The following SPAG1 variants were observed in gnomAD, a reference collection of about 807,000 sequenced individuals.
SPAG1 encodes the protein sperm-associated antigen 1.
Under a neutral mutation model 100.5 loss-of-function variants are expected in SPAG1, and 69 were observed. That is an observed-to-expected ratio of 0.69 (90% CI 0.57 to 0.84). SPAG1 has a LOEUF of 0.84. SPAG1 is among the 40% of genes least tolerant of loss of function. The pLI is 0.00. For missense variants in SPAG1, 955 were observed against 1,133.1 expected, an observed-to-expected ratio of 0.84 and a Z score of 2.26; for synonymous variants, 336 against 411.6, an observed-to-expected ratio of 0.82 and a Z score of 2.22.
chr8:100,213,351 A>G lies in SPAG1; in HGVS notation c.1358A>G (p.Asn453Ser). ...ENPAGLKSQG[N>S]ELFRSGQFAE... ...CCTGCCGGCCTGAAGAGCCAGGGCA[A>G]CGAGCTGTTCCGAAGCGGGCAGTTC... Residue 453 changes from asparagine (N) to serine (S), a missense_variant, in exon 11 of 19, where the codon AAC (asparagine) becomes AGC (serine). Transcript: ENST00000388798. 7.1e-7 allele frequency: 1 copy of G among 1,410,804 alleles called. No individual in the cohort carries two copies. The highest frequency in any genetic ancestry group is 9.3e-7 in the Non-Finnish European group (1 of 1,077,236). 87.4% of individuals were successfully genotyped at this position (1,410,804 alleles called of 1,614,324 possible).
intron 13 of SPAG1, among the ~76,000 whole-genome samples, chr8:100,223,876 C>T (rs1818388934): frequency 6.6e-6 from 1 of 151,830 alleles, no homozygotes; most frequent in Admixed American, 6.6e-5. Flanking sequence ...ATTATTATAA[C>T]CAAAGATCAC....
At chr8:100,229,652 G>A (rs886595467) in intron 14 of SPAG1, among the ~76,000 whole-genome samples, 2 of 152,306 alleles carry the variant, frequency 1.3e-5, no homozygotes, top group African/African-American at 4.8e-5. Flanking sequence ...TAGGAGAGGG[G>A]TGATAGCTGA....
chr8:100,169,984 G>GA (rs71274959), intron 3 of SPAG1, among the ~76,000 whole-genome samples: 56,743 of 148,200 alleles, frequency 0.38, 10,913 homozygotes, highest in East Asian at 0.52. Context: ...TAAGAGGCTG[G>GA]AAAAAAAAAA....
intron 10 of SPAG1, among the ~76,000 whole-genome samples, chr8:100,209,507 C>T (rs908281604): frequency 1.3e-5 from 2 of 150,094 alleles, no homozygotes; most frequent in African/African-American, 4.9e-5. Context: ...TTCTGAACTC[C>T]TTACAATATT....
At chr8:100,204,855 A>G (rs1586475867) in intron 10 of SPAG1, among the ~76,000 whole-genome samples, 1 of 152,210 alleles carries the variant, frequency 6.6e-6, no homozygotes, top group East Asian at 1.9e-4. Context: ...TTTAAATACA[A>G]TGGGAATAAT....
At chr8:100,191,156 G>A (rs1816798696) in intron 8 of SPAG1, among the ~76,000 whole-genome samples, 1 of 152,164 alleles carries the variant, frequency 6.6e-6, no homozygotes, top group Admixed American at 6.5e-5. Flanking sequence ...GGGGCCTGGG[G>A]CTGCCAGAGG....
Position 100,240,989 on chromosome 8 carries a change from T to A in SPAG1, c.2748T>A (p.Asp916Glu). The A allele has an allele frequency of 6.2e-7, 1 of 1,613,472 alleles. No homozygotes were observed. Among genetic ancestry groups the A allele is most frequent in the Non-Finnish European group, 8.5e-7 (1 of 1,179,734 alleles). ...CAAACAACCATTTTACTTTAGAAGATATACAGGCCCTAAAAAGGCAGTATG... is the reference window on the plus strand; with the variant it reads ...CAAACAACCATTTTACTTTAGAAGAAATACAGGCCCTAAAAAGGCAGTATG... ...DTPNNHFTLE[D>E]IQALKRQYEL Residue 916 changes from aspartate to glutamate, a missense_variant, in exon 19 of 19, where the codon GAT becomes GAA. Asp to Glu is a conservative substitution (Grantham distance 45). Transcript: ENST00000388798.
intron 10 of SPAG1, among the ~76,000 whole-genome samples, chr8:100,202,581 G>A (rs1048972670): frequency 5.3e-5 from 8 of 150,304 alleles, no homozygotes; most frequent in South Asian, 2.1e-4. Flanking sequence ...GTGGTAGCGG[G>A]CGCCTGTAGT....
chr8:100,222,767 A>C (rs1563808062), intron 13 of SPAG1, among the ~76,000 whole-genome samples: 2 of 152,208 alleles, frequency 1.3e-5, no homozygotes. Flanking sequence ...TTTTCTAAAA[A>C]ATTGAGGTAG....
In SPAG1 at chr8:100,213,550, C is replaced by T. The variant is rs570617411; in HGVS notation, c.1435+122C>T. 9 of 827,296 alleles carry T rather than the reference C, an allele frequency of 1.1e-5. No homozygotes were observed. The African/African-American group carries it at 1.4e-4, about 13-fold the overall frequency. The allele number at this position is 827,296 out of a possible 1,614,324, so 51.2% of individuals were successfully genotyped here. A position where few individuals can be genotyped will look rare whatever the true frequency, so the allele number is the denominator to read the frequency against. On this transcript the variant is annotated intron_variant, in intron 11 of 18. Coordinates refer to ENST00000388798, the MANE Select transcript of SPAG1 (RefSeq NM_003114.5). ...TGACAGGCGCCGGCATCGCTGCATT[C>T]CTCCCAGGTGACTAAGAGCGCCGTG... is the stretch of plus-strand genomic sequence containing the variant.
intron 8 of SPAG1, among the ~76,000 whole-genome samples, chr8:100,189,707 G>A (rs947321008): frequency 6.6e-6 from 1 of 152,046 alleles, no homozygotes. Context: ...GCTGAGTTAA[G>A]GGACACAGGA....
At chr8:100,165,077 A>G (rs182715859) in intron 2 of SPAG1, 35 of 324,580 alleles carry the variant, frequency 1.1e-4, no homozygotes, top group Middle Eastern at 1.1e-3. Flanking sequence ...AAGAGTACAG[A>G]CAACAAACAG....
rs60155004 is a variant in SPAG1, at chr8:100,172,634, ATGTGTG to A, written c.301-5154_301-5149del. 6.7e-3 allele frequency among the ~76,000 whole-genome samples: 972 copies of A among 145,412 alleles called. 11 individuals are homozygous for A. Among genetic ancestry groups the A allele is most frequent in the African/African-American group, 0.02 (789 of 39,358 alleles). ...GACTCTGCCTAAAAAAAAGAAATAT[ATGTGTG>A]TGTGTGTGTGTGTGTGTGTGTGTGT... is the stretch of plus-strand genomic sequence containing the variant. On this transcript the variant is annotated intron_variant, in intron 3 of 18. Transcript: ENST00000388798.
chr8:100,234,645 T>C (rs974440506), intron 16 of SPAG1, among the ~76,000 whole-genome samples: 2 of 152,238 alleles, frequency 1.3e-5, no homozygotes, highest in Non-Finnish European at 1.5e-5. Flanking sequence ...TATTCACCAG[T>C]TGATGACACT....
At chr8:100,166,768 G>A (rs142241000) in intron 3 of SPAG1, among the ~76,000 whole-genome samples, 11 of 152,156 alleles carry the variant, frequency 7.2e-5, no homozygotes, top group African/African-American at 1.2e-4. Flanking sequence ...TTAGCTGGAC[G>A]TGGTGGCATG....
chr8:100,166,284 A>G lies in SPAG1; in HGVS notation c.300+311A>G, dbSNP rs139573628. ...TTTTTTTCTTTTTTTTTTGAGATGG[A>G]GTCTTGCTTTGTTGCCCAGGCTGGA... is the stretch of plus-strand genomic sequence containing the variant. On this transcript the variant is annotated intron_variant, in intron 3 of 18. Transcript: ENST00000388798. Among the ~76,000 whole-genome samples the G allele has an allele frequency of 1.8e-3, 279 of 151,070 alleles. 4 individuals are homozygous for G. The East Asian group carries it at 0.037, about 20-fold the overall frequency.
At position 100,213,158 on chromosome 8, in the gene SPAG1, C is replaced by G. The variant is rs1031068025; in HGVS notation, c.1165C>G (p.Leu389Val). The change falls in exon 11 of 19, where the codon CTG becomes GTG. Residue 389 changes from leucine (L) to valine (V), a missense_variant. Physicochemically the swap from Leu to Val is conservative, Grantham distance 32. Coordinates refer to ENST00000388798, the MANE Select transcript of SPAG1 (RefSeq NM_003114.5). ...PCVMGNIQKK[L>V]TGKAEGGKRP... The stretch of plus-strand genomic sequence containing the variant: ...CGTCATGGGCAACATCCAGAAGAAG[C>G]TGACTGGCAAAGCCGAAGGCGGCAA... 2 of 1,480,016 alleles carry G rather than the reference C, an allele frequency of 1.4e-6. No individual in the cohort carries two copies. The highest frequency in any genetic ancestry group is 2.3e-5 in the Admixed American group (1 of 42,872). The allele number at this position is 1,480,016 out of a possible 1,614,324, so 91.7% of individuals were successfully genotyped here. A position where few individuals can be genotyped will look rare whatever the true frequency, so the allele number is the denominator to read the frequency against.
In SPAG1 at chr8:100,240,919, A is replaced by G. The variant is rs1563820904; in HGVS notation, c.2678A>G (p.Gln893Arg). Residue 893 changes from glutamine (Q) to arginine (R), a missense_variant, in exon 19 of 19, where the codon CAA becomes CGA. Transcript: ENST00000388798. The part of the protein sequence containing the change: ...KMMLTLISKG[Q>R]KELIEQLFED... ...ATGTTGACACTAATTAGCAAGGGCC[A>G]AAAGGAGCTAATTGAACAGCTGTTT... 1 of 1,609,836 alleles carries G rather than the reference A, an allele frequency of 6.2e-7. No homozygotes were observed. The highest frequency in any genetic ancestry group is 8.5e-7 in the Non-Finnish European group (1 of 1,178,730).
At position 100,239,365 on chromosome 8, in the gene SPAG1, C is replaced by T. The variant is rs1489761680; in HGVS notation, c.2241C>T (p.Phe747=). Residue 747 remains phenylalanine, a synonymous_variant, in exon 17 of 19, where the codon TTC becomes TTT. Transcript: ENST00000388798. This position sits in a 1 kb window ranked among gnomAD's most constrained non-coding sequence, Gnocchi z 5.0. ...LLNLKDKTAP[F]NKEKERRKIE... is the part of the protein sequence containing the mutation. ...ATCTTAAGGATAAGACAGCACCATT[C>T]AACAAAGAAAAGGAGAGAAGGAAAA... The T allele has an allele frequency of 6.2e-7, 1 of 1,605,320 alleles. No individual in the cohort carries two copies.
Sources: gnomAD v4.1 joint callset for allele counts (sites outside exome capture counted in the v4.1 genomes callset) on GRCh38, gnomAD v4.1.1 for gene constraint, Gnocchi (gnomAD v3.1) non-coding constraint, MANE v1.5 for transcripts, NCBI Gene and HGNC (gene_info 2026-07-23, HGNC 2026-07-21) for gene names.